Variants in SCARB2 observed in about 807,000 individuals in gnomAD.
SCARB2 encodes scavenger receptor class B member 2, also known as lysosome membrane protein 2.
A neutral mutation model predicts 58.6 loss-of-function variants in SCARB2; 29 were observed. The ratio of observed to expected loss-of-function variants is 0.49; its 90% CI spans 0.37 to 0.67. The LOEUF is 0.67. Among genes scored for constraint, SCARB2 ranks in the 30% least tolerant of loss-of-function variants. The pLI, the probability that SCARB2 is intolerant of heterozygous loss-of-function variation, is 0.00. For missense variants in SCARB2, 488 were observed against 578.5 expected (o/e 0.84, Z 1.60); for synonymous variants, 195 against 210.1 (o/e 0.93, Z 0.62).
chr4:76,175,643 C>G, intron 6 of SCARB2, 148 bp downstream of exon 6: 1 of 927,244 alleles, frequency 1.1e-6, no homozygotes, highest in Non-Finnish European at 1.7e-6. Context: ...GTACACTATA[C>G]TGTCTCGATG....
intron 11 of SCARB2, chr4:76,162,493 T>C (rs1317126873): frequency 6.5e-6 from 1 of 153,154 alleles, no homozygotes; most frequent in Non-Finnish European, 1.5e-5. Context: ...GGTTCCTGGC[T>C]GGGCTGCTGG....
intron 4 of SCARB2, among the ~76,000 whole-genome samples, chr4:76,178,268 G>C (rs1372602934): frequency 1.3e-5 from 2 of 152,184 alleles, no homozygotes; most frequent in Admixed American, 6.5e-5. Flanking sequence ...ACAGGTAGTA[G>C]CTCCTCTATA....
Position 76,171,345 on chromosome 4 carries a change from C to T in SCARB2, c.995-1360G>A, listed in dbSNP as rs73826383. ...ACACAACCTCAAGAAGCTATAACCACCTCCATTTTATTAATGAGAAAACTG... is the reference window on the plus strand; with the variant it reads ...ACACAACCTCAAGAAGCTATAACCATCTCCATTTTATTAATGAGAAAACTG... On this transcript the variant is annotated intron_variant, in intron 7 of 11. Coordinates refer to ENST00000264896, the MANE Select transcript of SCARB2 (RefSeq NM_005506.4). 5.8e-3 allele frequency among the ~76,000 whole-genome samples: 879 copies of T among 152,258 alleles called. 7 individuals are homozygous for T. Among genetic ancestry groups the T allele is most frequent in the African/African-American group, 0.019 (798 of 41,534 alleles).
intron 2 of SCARB2, among the ~76,000 whole-genome samples, chr4:76,182,295 T>C (rs1206422037): frequency 1.3e-5 from 2 of 152,194 alleles, no homozygotes; most frequent in Non-Finnish European, 2.9e-5. Flanking sequence ...AAACTGTGGC[T>C]AACTGGAATT....
chr4:76,167,240 AAG>A (rs1732027427), intron 9 of SCARB2, among the ~76,000 whole-genome samples: 1 of 152,124 alleles, frequency 6.6e-6, no homozygotes, highest in Admixed American at 6.5e-5. Context: ...GAGGAAGAGG[AAG>A]AGACTCTGTC....
intron 2 of SCARB2, among the ~76,000 whole-genome samples, chr4:76,181,881 C>T (rs1220030429): frequency 6.6e-6 from 1 of 152,110 alleles, no homozygotes; most frequent in African/African-American, 2.4e-5. Flanking sequence ...TTCTGATATA[C>T]AGCACAGTTT....
chr4:76,216,529 CCTT>C (rs1733210924), upstream of SCARB2, among the ~76,000 whole-genome samples: 2 of 152,116 alleles, frequency 1.3e-5, no homozygotes, highest in South Asian at 2.1e-4. Context: ...CATTGAGGTC[CCTT>C]CTTCTCTCTT....
At chr4:76,220,273 A>G (rs1733285991) in intron 1 of SCARB2, among the ~76,000 whole-genome samples, 1 of 152,244 alleles carries the variant, frequency 6.6e-6, no homozygotes, top group African/African-American at 2.4e-5. Context: ...TCATCAGACA[A>G]TAATAGATAC....
intron 7 of SCARB2, among the ~76,000 whole-genome samples, chr4:76,172,004 CTA>C (rs577052580): frequency 3.8e-4 from 57 of 148,834 alleles, no homozygotes; most frequent in African/African-American, 8.4e-4. Flanking sequence ...GTGTGTATAC[CTA>C]TATATATATA....
chr4:76,168,400 T>TA lies in SCARB2; in HGVS notation c.1187+2dup, dbSNP rs727502783. ...CCCCTCCATAGAAAGAAGCAAAACT[T>TA]ACACAAAGTCATCTAATTTTTTGAC... On this transcript the variant is annotated splice_region_variant and intron_variant, in intron 9 of 11. Transcript: ENST00000264896. 1.2e-6 allele frequency: 2 copies of TA among 1,613,546 alleles called. No individual in the cohort carries two copies. The highest frequency in any genetic ancestry group is 1.7e-6 in the Non-Finnish European group (2 of 1,179,456).
chr4:76,218,849 C>T (rs1193299585), intron 1 of SCARB2, among the ~76,000 whole-genome samples: 1 of 152,156 alleles, frequency 6.6e-6, no homozygotes, highest in Non-Finnish European at 1.5e-5. Flanking sequence ...GTGAATATGT[C>T]AGCAATATTA....
At chr4:76,182,578 G>C (rs1489680658) in intron 2 of SCARB2, among the ~76,000 whole-genome samples, 1 of 152,188 alleles carries the variant, frequency 6.6e-6, no homozygotes, top group Non-Finnish European at 1.5e-5. Context: ...TTGGCCAGCT[G>C]GGCTACCCAC....
rs1165549307 is a variant in SCARB2, at chr4:76,160,500, C to T, written c.*1213G>A. ...TGTCTCTGCTTCTGGTCCTAACAGA[C>T]CTTTCTTTAAAGTACTTTGTGCAAT... On this transcript the variant is annotated 3_prime_UTR_variant, in exon 12 of 12. Transcript: ENST00000264896. The T allele has an allele frequency of 6.6e-6, 1 of 152,176 alleles. No homozygotes were observed. The highest frequency in any genetic ancestry group is 1.5e-5 in the Non-Finnish European group (1 of 68,034). 9.4% of individuals were successfully genotyped at this position (152,176 alleles called of 1,614,324 possible). A position where few individuals can be genotyped will look rare whatever the true frequency, so the allele number is the denominator to read the frequency against.
chr4:76,212,024 T>G (rs1221525293), intron 1 of SCARB2, among the ~76,000 whole-genome samples: 1 of 152,174 alleles, frequency 6.6e-6, no homozygotes, highest in East Asian at 1.9e-4. Flanking sequence ...ATCTAAGGGC[T>G]GGCTATATGG....
Position 76,195,967 on chromosome 4 carries a change from C to T in SCARB2, c.118-103G>A, listed in dbSNP as rs1212590118. On this transcript the variant is annotated intron_variant, in intron 1 of 11. Coordinates refer to ENST00000264896, the MANE Select transcript of SCARB2 (RefSeq NM_005506.4). The stretch of plus-strand genomic sequence containing the variant: ...CGCCCCCTATTCTGACCTCCTAGAT[C>T]ACTATTTTAATCATTTCACAGGCAT... The T allele has an allele frequency of 3.9e-6, 3 of 774,530 alleles. No individual in the cohort carries two copies. The African/African-American group carries it at 5.3e-5, about 14-fold the overall frequency. 48.0% of individuals were successfully genotyped at this position (774,530 alleles called of 1,614,324 possible). A position where few individuals can be genotyped will look rare whatever the true frequency, so the allele number is the denominator to read the frequency against.
At chr4:76,185,864 C>T (rs938827305) in intron 2 of SCARB2, among the ~76,000 whole-genome samples, 1 of 152,208 alleles carries the variant, frequency 6.6e-6, no homozygotes, top group African/African-American at 2.4e-5. Context: ...TTTCATCTTA[C>T]TCACTGCTTC....
intron 11 of SCARB2, 104 bp from the exon 12 acceptor site, chr4:76,161,855 C>G (rs1213321758): frequency 9.2e-7 from 1 of 1,081,538 alleles, no homozygotes; most frequent in African/African-American, 1.6e-5. Flanking sequence ...GAGGAGAGAC[C>G]TATAGGAAGG....
upstream of SCARB2, chr4:76,214,281 G>A (rs1283700127): frequency 2.2e-6 from 1 of 456,116 alleles, no homozygotes; most frequent in Non-Finnish European, 4.4e-6. Flanking sequence ...GATCATGCCA[G>A]CAAGCATGTT....
upstream of SCARB2, among the ~76,000 whole-genome samples, chr4:76,216,467 C>A (rs1173946026): frequency 6.6e-6 from 1 of 152,212 alleles, no homozygotes; most frequent in Non-Finnish European, 1.5e-5. Context: ...TAGGTACCCA[C>A]TCCTCCCATC....
Sources: gnomAD v4.1 joint callset for allele counts (sites outside exome capture counted in the v4.1 genomes callset) on GRCh38, gnomAD v4.1.1 for gene constraint, MANE v1.5 for transcripts, NCBI Gene and HGNC (gene_info 2026-07-23, HGNC 2026-07-21) for gene names.